Variants in EFCAB8 observed in about 807,000 individuals in gnomAD.
The protein encoded by EFCAB8 is EF-hand calcium-binding domain-containing protein 8.
A neutral mutation model predicts 116.3 loss-of-function variants in EFCAB8; 100 were observed. The ratio of observed to expected loss-of-function variants is 0.86; its 90% CI spans 0.73 to 1.02. The LOEUF is 1.02. EFCAB8 is among the 50% of genes least tolerant of loss of function. The probability of loss-of-function intolerance (pLI) is 0.00; values close to 1 mark genes in which losing one functional copy is unlikely to be tolerated. For missense variants in EFCAB8, 1,320 were observed against 1,416.9 expected, an observed-to-expected ratio of 0.93 and a Z score of 1.10; for synonymous variants, 558 against 567.9, an observed-to-expected ratio of 0.98 and a Z score of 0.25.
intron 22 of EFCAB8, among the ~76,000 whole-genome samples, chr20:32,931,920 A>T (rs1231103073): frequency 6.6e-6 from 1 of 152,240 alleles, no homozygotes; most frequent in Admixed American, 6.5e-5. Flanking sequence ...CAAACAATTT[A>T]GGCAAAAGAA....
At chr20:32,895,313 A>AT (rs11353110) in intron 9 of EFCAB8, among the ~76,000 whole-genome samples, 4,874 of 127,690 alleles carry the variant, frequency 0.038, 144 homozygotes, top group African/African-American at 0.081. Context: ...TTTATTTAAG[A>AT]TTTTTTTTTT....
chr20:32,906,991 C>G lies in EFCAB8; in HGVS notation c.1305C>G (p.Asp435Glu). ...GCATCCTCATCAGTGTCTCCAAGGA[C>G]AAGGTCCGCCCCGACGGTCCGCCTG... ...NNSILISVSKDKNIRVWDMLD... is the reference protein window; with the variant it reads ...NNSILISVSKEKNIRVWDMLD... The change falls in exon 13 of 27, where the codon GAC becomes GAG. Residue 435 changes from aspartate (D) to glutamate (E), a missense_variant. Physicochemically the swap from Asp to Glu is conservative, Grantham distance 45. Transcript: ENST00000400522. 6.6e-7 allele frequency: 1 copy of G among 1,513,298 alleles called. No homozygotes were observed. The highest frequency in any genetic ancestry group is 2.5e-5 in the East Asian group (1 of 40,610). The allele number at this position is 1,513,298 out of a possible 1,614,324, so 93.7% of individuals were successfully genotyped here. A position where few individuals can be genotyped will look rare whatever the true frequency, so the allele number is the denominator to read the frequency against.
At chr20:32,925,855 G>T (rs1420611589) in intron 20 of EFCAB8, among the ~76,000 whole-genome samples, 1 of 152,266 alleles carries the variant, frequency 6.6e-6, no homozygotes, top group Non-Finnish European at 1.5e-5. Flanking sequence ...GGCTGAGTGA[G>T]ACTGAAATGC....
chr20:32,923,786 C>A (rs2146265088), intron 20 of EFCAB8, among the ~76,000 whole-genome samples: 1 of 152,240 alleles, frequency 6.6e-6, no homozygotes, highest in African/African-American at 2.4e-5. Context: ...CCATGGCATT[C>A]CTTTTACTAG....
chr20:32,864,871 T>C (rs1288592183), intron 2 of EFCAB8, among the ~76,000 whole-genome samples: 2 of 152,210 alleles, frequency 1.3e-5, no homozygotes, highest in East Asian at 3.9e-4. Context: ...ACAAGAGCTG[T>C]CATTTATTGT....
Position 32,875,949 on chromosome 20 carries a change from A to G in EFCAB8, c.232A>G (p.Lys78Glu). 1 of 1,551,864 alleles carries G rather than the reference A, an allele frequency of 6.4e-7. No homozygotes were observed. Among genetic ancestry groups the G allele is most frequent in the Non-Finnish European group, 8.7e-7 (1 of 1,146,982 alleles). ...AGCCCTGGGCATGGACGCCTTCATC[A>G]AGGCCATGAAGAAGGTTCTGAGCAG... ...TGALGMDAFI[K>E]AMKKVLSSVS... Residue 78 changes from lysine to glutamate, a missense_variant, in exon 4 of 27, where the codon AAG becomes GAG. Lys to Glu is a moderately conservative substitution (Grantham distance 56, BLOSUM62 1). Coordinates refer to ENST00000400522, the MANE Select transcript of EFCAB8 (RefSeq NM_001143967.2).
intron 2 of EFCAB8, among the ~76,000 whole-genome samples, chr20:32,865,706 C>T (rs757927779): frequency 9.3e-5 from 14 of 151,050 alleles, no homozygotes; most frequent in Non-Finnish European, 2.9e-5. Context: ...AGCTGGTTCA[C>T]GAGAATCACT....
rs529353441 is a variant in EFCAB8 at position 32,918,095 on chromosome 20, A to C, written c.2062-267A>C. Among the ~76,000 whole-genome samples, 3 of 152,350 alleles carry C rather than the reference A, an allele frequency of 2.0e-5. No individual in the cohort carries two copies. In the East Asian group the frequency reaches 5.8e-4, roughly 29 times the overall value. ...ATTGAGATTAAAGGTAGCCTCAAAA[A>C]TATTTGGAAACCACTGTCCATTTTA... is the stretch of plus-strand genomic sequence containing the variant. On this transcript the variant is annotated intron_variant, in intron 18 of 26. Coordinates refer to ENST00000400522, the MANE Select transcript of EFCAB8 (RefSeq NM_001143967.2).
At chr20:32,862,886 G>A (rs1443409448) in intron 1 of EFCAB8, among the ~76,000 whole-genome samples, 2 of 152,108 alleles carry the variant, frequency 1.3e-5, no homozygotes, top group Non-Finnish European at 2.9e-5. Flanking sequence ...TTCCGCCTTG[G>A]CCTCCCAAAG....
chr20:32,891,831 T>G (rs1370348670), intron 7 of EFCAB8, among the ~76,000 whole-genome samples: 4 of 151,784 alleles, frequency 2.6e-5, no homozygotes, highest in Non-Finnish European at 4.4e-5. Flanking sequence ...GAGTCAGTTT[T>G]TTTTTTTTTT....
chr20:32,917,610 A>T, intron 18 of EFCAB8, 105 bp downstream of exon 18: 4 of 1,308,298 alleles, frequency 3.1e-6, no homozygotes, highest in Non-Finnish European at 4.2e-6. Flanking sequence ...AGGAGGGATG[A>T]TGGCGACTTG....
In EFCAB8 at chr20:32,873,040, C is replaced by G. The variant is rs374205136; in HGVS notation, c.209-2886C>G. 3.9e-5 allele frequency among the ~76,000 whole-genome samples: 6 copies of G among 152,010 alleles called. No individual in the cohort carries two copies. In the East Asian group the frequency reaches 1.2e-3, roughly 29 times the overall value. ...CCCAGGATGCGGAGGTTGCAGTGAG[C>G]CGAGATCGTGCCATTGCACTCCAGC... On this transcript the variant is annotated intron_variant, in intron 3 of 26. Coordinates refer to ENST00000400522, the MANE Select transcript of EFCAB8 (RefSeq NM_001143967.2).
chr20:32,891,149 A>G (rs1173447888), intron 7 of EFCAB8, among the ~76,000 whole-genome samples: 1 of 152,142 alleles, frequency 6.6e-6, no homozygotes, highest in Non-Finnish European at 1.5e-5. Flanking sequence ...TCACTCTGTC[A>G]CCCAGGCTGG....
rs141744917 is a variant in EFCAB8 at position 32,859,591 on chromosome 20, A to G, written c.-11+585A>G. Among the ~76,000 whole-genome samples, 28 of 152,370 alleles carry G rather than the reference A, an allele frequency of 1.8e-4. 1 individual carries two copies. The East Asian group carries it at 5.4e-3, about 29-fold the overall frequency. Reference sequence around the variant, plus strand: ...ATCTTACAAAATATTTAGTTTTGAAATAATTAAAAATATATAAATAGTTGT... The same window carrying G: ...ATCTTACAAAATATTTAGTTTTGAAGTAATTAAAAATATATAAATAGTTGT... On this transcript the variant is annotated intron_variant, in intron 1 of 26. Coordinates refer to ENST00000400522, the MANE Select transcript of EFCAB8 (RefSeq NM_001143967.2).
chr20:32,865,909 G>C (rs192712517), intron 2 of EFCAB8, among the ~76,000 whole-genome samples: 1 of 152,192 alleles, frequency 6.6e-6, no homozygotes, highest in Admixed American at 6.6e-5. Context: ...ACTTGTCCCA[G>C]CAAAAGACTA....
intron 20 of EFCAB8, among the ~76,000 whole-genome samples, chr20:32,922,087 C>T (rs1430805300): frequency 4.6e-5 from 7 of 152,126 alleles, no homozygotes; most frequent in Admixed American, 1.3e-4. Flanking sequence ...CCTCGGCTTC[C>T]CAAAGTGCTG....
rs1986771523 is a variant in EFCAB8, at chr20:32,908,300, A to G, written c.1334A>G (p.Asp445Gly). ...DKNIRVWDML[D>G]YICLQSFCGK... ...AATATTCGCGTGTGGGACATGCTGGACTACATATGCCTCCAGTCCTTCTGT... is the reference window on the plus strand; with the variant it reads ...AATATTCGCGTGTGGGACATGCTGGGCTACATATGCCTCCAGTCCTTCTGT... Residue 445 changes from aspartate (D) to glycine (G), a missense_variant, in exon 14 of 27, where the codon GAC (aspartate) becomes GGC (glycine). Coordinates refer to ENST00000400522, the MANE Select transcript of EFCAB8 (RefSeq NM_001143967.2). 4.0e-6 allele frequency: 5 copies of G among 1,249,726 alleles called. No homozygotes were observed. The highest frequency in any genetic ancestry group is 4.0e-6 in the Non-Finnish European group (4 of 988,252). 77.4% of individuals were successfully genotyped at this position (1,249,726 alleles called of 1,614,324 possible).
intron 22 of EFCAB8, among the ~76,000 whole-genome samples, chr20:32,934,771 C>T (rs11167187): frequency 0.077 from 11,720 of 152,218 alleles, 661 homozygotes; most frequent in African/African-American, 0.17. Context: ...CCATGTAAGA[C>T]GTGCCTTTGC....
At chr20:32,921,432 T>C (rs1015701268) in intron 20 of EFCAB8, among the ~76,000 whole-genome samples, 2 of 151,606 alleles carry the variant, frequency 1.3e-5, no homozygotes, top group Non-Finnish European at 2.9e-5. Context: ...CCCATGCTGG[T>C]CTCGAACTCC....
Sources: allele counts gnomAD v4.1 joint callset (sites outside exome capture counted in the v4.1 genomes callset), GRCh38; gene constraint gnomAD v4.1.1; transcripts MANE v1.5; gene names NCBI Gene and HGNC (gene_info 2026-07-23, HGNC 2026-07-21).